USP14: variants seen among roughly 807,000 people sequenced by gnomAD.
USP14 encodes the protein ubiquitin carboxyl-terminal hydrolase 14.
A neutral mutation model predicts 76.5 loss-of-function variants in USP14; 38 were observed. That is an observed-to-expected ratio of 0.50 (90% CI 0.38 to 0.65). USP14 has a LOEUF of 0.65. Ranked by LOEUF, USP14 falls within the 30% of genes least tolerant of loss-of-function variation. USP14 has a pLI of 0.00. For synonymous variants in USP14, 192 were observed against 191.7 expected, an observed-to-expected ratio of 1.00 and a Z score of -0.01; for missense variants, 467 against 586.5, an observed-to-expected ratio of 0.80 and a Z score of 2.10.
chr18:173,399 CCA>C (rs1909530419), intron 3 of USP14, among the ~76,000 whole-genome samples: 8 of 151,446 alleles, frequency 5.3e-5, no homozygotes, highest in Non-Finnish European at 8.8e-5. Flanking sequence ...GCTTGAGCCA[CCA>C]TGCCCGGCCT....
At chr18:177,619 A>G (rs1180817274) in intron 3 of USP14, among the ~76,000 whole-genome samples, 1 of 138,572 alleles carries the variant, frequency 7.2e-6, no homozygotes, top group Non-Finnish European at 1.6e-5. Flanking sequence ...TCTGGCTATC[A>G]TTTTTCCCTC....
intron 3 of USP14, 92 bp from the exon 4 acceptor site, chr18:178,841 A>G (rs761326823): frequency 1.3e-5 from 11 of 875,990 alleles, no homozygotes; most frequent in Non-Finnish European, 1.9e-5. Flanking sequence ...GAATTATGTT[A>G]TATGTGTTCT....
intron 2 of USP14, among the ~76,000 whole-genome samples, chr18:165,339 TAAAGAC>T (rs1004524963): frequency 9.9e-5 from 15 of 152,192 alleles, no homozygotes; most frequent in Admixed American, 7.2e-4. Flanking sequence ...ACTTTAGAGA[TAAAGAC>T]AGGCTACCCC....
intron 3 of USP14, among the ~76,000 whole-genome samples, chr18:167,485 GT>G (rs1909305587): frequency 6.6e-6 from 1 of 151,722 alleles, no homozygotes; most frequent in South Asian, 2.1e-4. Context: ...CAGAGTTGTA[GT>G]TTTTAAACAT....
In USP14 at chr18:212,303, CTTTCT is replaced by C. The variant is rs1395156238; in HGVS notation, c.*1021_*1025del. 4 of 152,178 alleles carry C rather than the reference CTTTCT, an allele frequency of 2.6e-5. No homozygotes were observed. Among genetic ancestry groups the C allele is most frequent in the South Asian group, 2.1e-4 (1 of 4,828 alleles). The allele number at this position is 152,178 out of a possible 1,614,324, so 9.4% of individuals were successfully genotyped here. A position where few individuals can be genotyped will look rare whatever the true frequency, so the allele number is the denominator to read the frequency against. On this transcript the variant is annotated 3_prime_UTR_variant, in exon 16 of 16. Coordinates refer to ENST00000261601, the MANE Select transcript of USP14 (RefSeq NM_005151.4). ...CTTGGCTCAGTTGTGTTTGTATTTCCTTTCTTAATTCCCCAAATCTTGGCTGGGCA... is the reference window on the plus strand; with the variant it reads ...CTTGGCTCAGTTGTGTTTGTATTTCCTAATTCCCCAAATCTTGGCTGGGCA...
chr18:211,400 G>C lies in USP14; in HGVS notation c.*116G>C. ...GTGGGTTTATGTTTCACCTCATTTG[G>C]AACAAAAGAGGACAGAAGCAGACCA... is the stretch of plus-strand genomic sequence containing the variant. On this transcript the variant is annotated 3_prime_UTR_variant, in exon 16 of 16. Coordinates refer to ENST00000261601, the MANE Select transcript of USP14 (RefSeq NM_005151.4). 31 of 1,108,484 alleles carry C rather than the reference G, an allele frequency of 2.8e-5. No homozygotes were observed. Among genetic ancestry groups the C allele is most frequent in the Non-Finnish European group, 3.9e-5 (31 of 796,550 alleles). 68.7% of individuals were successfully genotyped at this position (1,108,484 alleles called of 1,614,324 possible).
chr18:187,003 T>C (rs951953568), intron 5 of USP14, among the ~76,000 whole-genome samples: 1 of 152,200 alleles, frequency 6.6e-6, no homozygotes, highest in Admixed American at 6.5e-5. Flanking sequence ...TTTCAGATAT[T>C]GGCAGTTGTT....
rs201342983 is a variant in USP14, at chr18:205,781, T to TA, written c.1164+1098dup. 5.0e-3 allele frequency among the ~76,000 whole-genome samples: 759 copies of TA among 151,766 alleles called. 3 individuals are homozygous for TA. Among genetic ancestry groups the TA allele is most frequent in the Non-Finnish European group, 7.9e-3 (539 of 67,916 alleles). On this transcript the variant is annotated intron_variant, in intron 13 of 15. Transcript: ENST00000261601. ...GTATAACAAAGCAAGACTCTGTTTC[T>TA]AAAAAAAAATTATACAAACGAAATA...
rs1253332195 is a variant in USP14 at position 214,316 on chromosome 18, A to AAAC, written c.*3033_*3035dup. On this transcript the variant is annotated 3_prime_UTR_variant, in exon 16 of 16. Coordinates refer to ENST00000261601, the MANE Select transcript of USP14 (RefSeq NM_005151.4). ...AAACTACTAACAAACAACACACAGGAAACTAATTTGGTATAAGAAACGACA... is the reference window on the plus strand; with the variant it reads ...AAACTACTAACAAACAACACACAGGAAACAACTAATTTGGTATAAGAAACGACA... The AAAC allele has an allele frequency of 4.4e-6, 1 of 228,804 alleles. No individual in the cohort carries two copies. The highest frequency in any genetic ancestry group is 2.3e-5 in the African/African-American group (1 of 43,328). 14.2% of individuals were successfully genotyped at this position (228,804 alleles called of 1,614,324 possible). A position where few individuals can be genotyped will look rare whatever the true frequency, so the allele number is the denominator to read the frequency against.
At chr18:183,492 T>C (rs1038725089) in intron 5 of USP14, among the ~76,000 whole-genome samples, 2 of 152,070 alleles carry the variant, frequency 1.3e-5, no homozygotes, top group African/African-American at 4.8e-5. Flanking sequence ...TGGTTTCTTA[T>C]ACATATTAAA....
At position 211,147 on chromosome 18, in the gene USP14, T is replaced by C; in HGVS notation, c.1348T>C (p.Phe450Leu). 2 of 1,613,502 alleles carry C rather than the reference T, an allele frequency of 1.2e-6. No homozygotes were observed. Among genetic ancestry groups the C allele is most frequent in the Non-Finnish European group, 1.7e-6 (2 of 1,179,620 alleles). Residue 450 changes from phenylalanine (F) to leucine (L), a missense_variant, in exon 16 of 16, where the codon TTT becomes CTT. By Grantham distance (22) the Phe-to-Leu change is conservative. Coordinates refer to ENST00000261601, the MANE Select transcript of USP14 (RefSeq NM_005151.4). ...CTGTTATTTAGATGAATGGATTAAG[T>C]TTGATGATGACAAAGTCAGCATCGT... ...VKRKQDEWIK[F>L]DDDKVSIVTP... is the part of the protein sequence containing the mutation.
chr18:158,972 A>G, intron 1 of USP14: 1 of 419,470 alleles, frequency 2.4e-6, no homozygotes, highest in Non-Finnish European at 4.0e-6. Context: ...CAAAGTCGTG[A>G]CTCTGCAGAA....
chr18:209,963 C>T lies in USP14; in HGVS notation c.1165-8C>T, dbSNP rs1341090355. On this transcript the variant is annotated splice_polypyrimidine_tract_variant and splice_region_variant and intron_variant, in intron 13 of 15. Coordinates refer to ENST00000261601, the MANE Select transcript of USP14 (RefSeq NM_005151.4). ...ATGATTTAAAATTAAACATTTTTTT[C>T]TCCTCAGAGTGACAAAAAGAGTAGT... is the stretch of plus-strand genomic sequence containing the variant. The T allele has an allele frequency of 6.3e-7, 1 of 1,576,614 alleles. No homozygotes were observed. The highest frequency in any genetic ancestry group is 8.6e-7 in the Non-Finnish European group (1 of 1,164,932).
chr18:193,757 G>T (rs1215621301), intron 6 of USP14, among the ~76,000 whole-genome samples: 1 of 152,170 alleles, frequency 6.6e-6, no homozygotes, highest in East Asian at 1.9e-4. Context: ...ATTATGGCAT[G>T]TATCAGTACT....
intron 3 of USP14, among the ~76,000 whole-genome samples, chr18:172,529 A>G (rs1568417211): frequency 6.6e-6 from 1 of 152,210 alleles, no homozygotes; most frequent in African/African-American, 2.4e-5. Context: ...ACAGCACCGC[A>G]AGCTACAGAG....
chr18:197,949 C>T, intron 8 of USP14, 98 bp from the exon 9 acceptor site: 2 of 1,080,100 alleles, frequency 1.9e-6, no homozygotes, highest in Non-Finnish European at 2.6e-6. Flanking sequence ...TAAGGGACTA[C>T]ATTTTTAAAA....
rs1910697531 is a variant in USP14 at position 212,551 on chromosome 18, C to CT, written c.*1268dup. 1 of 151,186 alleles carries CT rather than the reference C, an allele frequency of 6.6e-6. No individual in the cohort carries two copies. The highest frequency in any genetic ancestry group is 1.5e-5 in the Non-Finnish European group (1 of 68,104). 9.4% of individuals were successfully genotyped at this position (151,186 alleles called of 1,614,324 possible). A position where few individuals can be genotyped will look rare whatever the true frequency, so the allele number is the denominator to read the frequency against. On this transcript the variant is annotated 3_prime_UTR_variant, in exon 16 of 16. Coordinates refer to ENST00000261601, the MANE Select transcript of USP14 (RefSeq NM_005151.4). ...CCTGGAAGGCAGAAGTTGCAGTGAGCTGAGATCACACCACTGCACTCCAGC... is the reference window on the plus strand; with the variant it reads ...CCTGGAAGGCAGAAGTTGCAGTGAGCTTGAGATCACACCACTGCACTCCAGC...
intron 5 of USP14, among the ~76,000 whole-genome samples, chr18:190,484 T>TC (rs1268995333): frequency 6.6e-6 from 1 of 152,182 alleles, no homozygotes; most frequent in African/African-American, 2.4e-5. Flanking sequence ...TTAAGCCAAG[T>TC]TATTTAGCCA....
intron 5 of USP14, among the ~76,000 whole-genome samples, chr18:188,180 T>G (rs1377580719): frequency 1.3e-5 from 2 of 152,108 alleles, no homozygotes; most frequent in Admixed American, 1.3e-4. Context: ...TTTTTTCTCC[T>G]TGTCTTCTTC....
Sources: allele counts gnomAD v4.1 joint callset (sites outside exome capture counted in the v4.1 genomes callset), GRCh38; gene constraint gnomAD v4.1.1; transcripts MANE v1.5; gene names NCBI Gene and HGNC (gene_info 2026-07-23, HGNC 2026-07-21).